The following CELF2 variants were observed in gnomAD, a reference collection of about 807,000 sequenced individuals.
The protein encoded by CELF2 is CUGBP Elav-like family member 2, also known as CUG triplet repeat RNA-binding protein 2.
CELF2 carries 8 observed loss-of-function variants against 62.6 expected under a neutral mutation model. The observed-to-expected ratio is 0.13, with a 90% CI of 0.07 to 0.23. The LOEUF (loss-of-function observed/expected upper bound fraction) is 0.23. Ranked by LOEUF, CELF2 falls within the 10% of genes least tolerant of loss-of-function variation. CELF2 has a pLI of 1.00. For synonymous variants in CELF2, 258 were observed against 250.0 expected, an observed-to-expected ratio of 1.03 and a Z score of -0.30; for missense variants, 333 against 671.0, an observed-to-expected ratio of 0.50 and a Z score of 5.56.
intron 1 of CELF2, among the ~76,000 whole-genome samples, chr10:11,062,952 T>A (rs914216377): frequency 2.0e-5 from 3 of 151,994 alleles, no homozygotes; most frequent in Non-Finnish European, 4.4e-5. Flanking sequence ...CCCCCCGCCA[T>A]CAGTCAGTAG....
chr10:10,653,170 T>G, the CELF2 span, among the ~76,000 whole-genome samples: 7 of 152,236 alleles, frequency 4.6e-5, no homozygotes, highest in Middle Eastern at 6.8e-3. Context: ...GAGCTAACTC[T>G]CCTAAATATA....
At chr10:10,614,759 C>T in the CELF2 span, among the ~76,000 whole-genome samples, 8 of 152,108 alleles carry the variant, frequency 5.3e-5, no homozygotes, top group African/African-American at 7.3e-5. Flanking sequence ...TACAAGCCAC[C>T]GATTGGAGGT....
the CELF2 span, among the ~76,000 whole-genome samples, chr10:10,501,692 C>T: frequency 2.6e-5 from 4 of 152,038 alleles, no homozygotes; most frequent in African/African-American, 4.8e-5. Context: ...TTTTCCATAG[C>T]ATTTTGTATG....
Position 11,330,742 on chromosome 10 carries a change from T to TCTTATTTTTTTTCTTTTC in CELF2, c.*1692_*1709dup. ...AAAACCTGTGGCAAAAACGTTTCTT[T>TCTTATTTTTTTTCTTTTC]CTTATTTTTTTTCTTTTCCTAAAAC... On this transcript the variant is annotated 3_prime_UTR_variant, in exon 13 of 13. Coordinates refer to ENST00000633077, the MANE Select transcript of CELF2 (RefSeq NM_001326342.2). This position sits in a 1 kb window ranked among gnomAD's most constrained non-coding sequence, Gnocchi z 4.5. 6.6e-6 allele frequency: 1 copy of TCTTATTTTTTTTCTTTTC among 152,606 alleles called. No individual in the cohort carries two copies. Among genetic ancestry groups the TCTTATTTTTTTTCTTTTC allele is most frequent in the Non-Finnish European group, 1.5e-5 (1 of 68,032 alleles). 9.5% of individuals were successfully genotyped at this position (152,606 alleles called of 1,614,324 possible).
the CELF2 span, among the ~76,000 whole-genome samples, chr10:10,549,516 T>C: frequency 6.6e-6 from 1 of 152,234 alleles, no homozygotes; most frequent in Non-Finnish European, 1.5e-5. Context: ...GCTCCTGACC[T>C]CAGGTGATCC....
chr10:10,516,505 G>C, the CELF2 span, among the ~76,000 whole-genome samples: 1 of 151,998 alleles, frequency 6.6e-6, no homozygotes, highest in Non-Finnish European at 1.5e-5. Context: ...ATGTGGTAAG[G>C]GTGAGGGTAG....
At chr10:11,276,855 G>T (rs182323883) in intron 8 of CELF2, among the ~76,000 whole-genome samples, 1 of 152,250 alleles carries the variant, frequency 6.6e-6, no homozygotes, top group Non-Finnish European at 1.5e-5. Context: ...CACGCTCTGC[G>T]TGCTCATTTG....
At chr10:11,181,637 C>T (rs2073412317) in intron 2 of CELF2, among the ~76,000 whole-genome samples, 1 of 152,228 alleles carries the variant, frequency 6.6e-6, no homozygotes, top group African/African-American at 2.4e-5. Context: ...TGCTGAAATT[C>T]CTGTGACGCT....
chr10:10,522,268 G>T, the CELF2 span, among the ~76,000 whole-genome samples: 1 of 152,144 alleles, frequency 6.6e-6, no homozygotes, highest in Non-Finnish European at 1.5e-5. Context: ...TGACCTTCCT[G>T]TTTTAATTTT....
chr10:11,155,719 A>G (rs888833574), intron 1 of CELF2, among the ~76,000 whole-genome samples: 2 of 152,264 alleles, frequency 1.3e-5, no homozygotes, highest in African/African-American at 4.8e-5. Context: ...ACCGTCATTA[A>G]TATGACATAA....
At chr10:10,603,784 TAC>T in the CELF2 span, among the ~76,000 whole-genome samples, 409 of 148,110 alleles carry the variant, frequency 2.8e-3, 2 homozygotes, top group East Asian at 0.015. Context: ...TATTTACACA[TAC>T]ACACACACAC....
chr10:10,942,118 A>G lies in CELF2; in HGVS notation c.89+22119A>G, dbSNP rs1478134237. 6.6e-5 allele frequency among the ~76,000 whole-genome samples: 10 copies of G among 152,322 alleles called. No individual in the cohort carries two copies. In the East Asian group the frequency reaches 1.7e-3, roughly 26 times the overall value. ...ATTTTGATTTGGGCCTCAGGAAAAAAAAAATTGTCTTGGATGTGATTCTTT... is the reference window on the plus strand; with the variant it reads ...ATTTTGATTTGGGCCTCAGGAAAAAGAAAATTGTCTTGGATGTGATTCTTT... On this transcript the variant is annotated intron_variant, in intron 2 of 13. Coordinates refer to the CELF2 transcript ENST00000636488.
the CELF2 span, among the ~76,000 whole-genome samples, chr10:10,766,662 A>G: frequency 6.6e-6 from 1 of 152,144 alleles, no homozygotes; most frequent in Admixed American, 6.5e-5. Flanking sequence ...GCTGAGGTTT[A>G]ACTTTCACCC....
rs796160476 is a variant in CELF2 at position 11,152,599 on chromosome 10, C to T, written c.75-12887C>T. 4.6e-5 allele frequency among the ~76,000 whole-genome samples: 7 copies of T among 152,308 alleles called. 1 individual carries two copies. Among genetic ancestry groups the T allele is most frequent in the African/African-American group, 1.7e-4 (7 of 41,580 alleles). On this transcript the variant is annotated intron_variant, in intron 1 of 12. Coordinates refer to ENST00000633077, the MANE Select transcript of CELF2 (RefSeq NM_001326342.2). ...TTCACTCAGAATCCTAAAGGATGTT[C>T]TTGAACAAAACATAAAAATCTGCTT...
At chr10:10,980,116 C>T (rs2136358393) in intron 2 of CELF2, among the ~76,000 whole-genome samples, 1 of 152,264 alleles carries the variant, frequency 6.6e-6, no homozygotes, top group African/African-American at 2.4e-5. Flanking sequence ...AGGAAGAATG[C>T]AAGGAACAAG....
Position 11,166,166 on chromosome 10 carries a change from G to A in CELF2, c.271+484G>A, listed in dbSNP as rs546824179. Among the ~76,000 whole-genome samples the A allele has an allele frequency of 8.7e-4, 133 of 152,376 alleles. 2 individuals are homozygous for A. The South Asian group carries it at 0.025, about 29-fold the overall frequency. ...AGTTGACGTGATGCCACTGGTGCGA[G>A]GGAGAAAAGGCTCCCCTGAAGAAGG... On this transcript the variant is annotated intron_variant, in intron 2 of 12. Coordinates refer to ENST00000633077, the MANE Select transcript of CELF2 (RefSeq NM_001326342.2).
the CELF2 span, among the ~76,000 whole-genome samples, chr10:10,718,245 C>T: frequency 6.6e-6 from 1 of 152,022 alleles, no homozygotes; most frequent in Non-Finnish European, 1.5e-5. Flanking sequence ...AAGCAAAGAC[C>T]ACTAGTGAAT....
the CELF2 span, among the ~76,000 whole-genome samples, chr10:10,668,947 G>A: frequency 6.6e-6 from 1 of 151,350 alleles, no homozygotes; most frequent in African/African-American, 2.4e-5. Context: ...AACAGAGTGA[G>A]ACCCTGACAA....
the CELF2 span, among the ~76,000 whole-genome samples, chr10:10,593,677 AT>A: frequency 6.6e-6 from 1 of 152,194 alleles, no homozygotes; most frequent in Non-Finnish European, 1.5e-5. Context: ...ATAGGACACT[AT>A]TTTAGGCTTT....
Sources: gnomAD v4.1 joint callset for allele counts (sites outside exome capture counted in the v4.1 genomes callset) on GRCh38, gnomAD v4.1.1 for gene constraint, Gnocchi (gnomAD v3.1) non-coding constraint, MANE v1.5 for transcripts, NCBI Gene and HGNC (gene_info 2026-07-23, HGNC 2026-07-21) for gene names.